TMEM117: variants seen among roughly 807,000 people sequenced by gnomAD.
The protein encoded by TMEM117 is transmembrane protein 117.
Under a neutral mutation model 52.4 loss-of-function variants are expected in TMEM117, and 27 were observed. That is an observed-to-expected ratio of 0.51 (90% CI 0.38 to 0.71). The LOEUF (loss-of-function observed/expected upper bound fraction) is 0.71. Among genes scored for constraint, TMEM117 ranks in the 30% least tolerant of loss-of-function variants. TMEM117 has a pLI of 0.00. For missense variants in TMEM117, 556 were observed against 630.5 expected (o/e 0.88, Z 1.26); for synonymous variants, 215 against 206.3 (o/e 1.04, Z -0.36).
intron 3 of TMEM117, among the ~76,000 whole-genome samples, chr12:44,094,437 T>C (rs1279548809): frequency 2.0e-5 from 3 of 152,126 alleles, no homozygotes; most frequent in Admixed American, 6.6e-5. Flanking sequence ...TTATTAATAG[T>C]AATGGTTCCT....
intron 3 of TMEM117, among the ~76,000 whole-genome samples, chr12:44,107,026 G>A (rs894180134): frequency 2.6e-5 from 4 of 151,946 alleles, no homozygotes; most frequent in African/African-American, 7.3e-5. Flanking sequence ...TTGGCTGTCC[G>A]TCAATAAAGT....
At chr12:44,013,582 G>A (rs12310801) in intron 3 of TMEM117, among the ~76,000 whole-genome samples, 5,455 of 152,148 alleles carry the variant, frequency 0.036, 204 homozygotes, top group African/African-American at 0.093. Context: ...GAAAGTACAG[G>A]GGAATTTTTC....
At chr12:44,333,300 G>C (rs2138729993) in intron 6 of TMEM117, among the ~76,000 whole-genome samples, 1 of 152,100 alleles carries the variant, frequency 6.6e-6, no homozygotes, top group East Asian at 1.9e-4. Context: ...ATAAAATGTG[G>C]TGGATAAAAC....
chr12:44,174,485 A>G (rs1949091505), intron 4 of TMEM117, among the ~76,000 whole-genome samples: 1 of 152,088 alleles, frequency 6.6e-6, no homozygotes, highest in South Asian at 2.1e-4. Context: ...GGGTAGTTTA[A>G]TTTTTTTGTT....
intron 3 of TMEM117, among the ~76,000 whole-genome samples, chr12:44,111,840 C>CT: frequency 7.8e-6 from 1 of 127,948 alleles, no homozygotes; most frequent in Non-Finnish European, 1.6e-5. Flanking sequence ...GTGTGGGAGT[C>CT]TAAGTCTCTT....
At chr12:43,948,466 C>T (rs967981269) in intron 3 of TMEM117, among the ~76,000 whole-genome samples, 10 of 151,960 alleles carry the variant, frequency 6.6e-5, no homozygotes, top group Non-Finnish European at 8.8e-5. Context: ...CCACCACACC[C>T]GGCTAATTTT....
intron 5 of TMEM117, among the ~76,000 whole-genome samples, chr12:44,256,924 A>G (rs942421578): frequency 1.3e-5 from 2 of 151,532 alleles, no homozygotes; most frequent in Non-Finnish European, 2.9e-5. Flanking sequence ...TTATTTACAC[A>G]TATATGTTCT....
At chr12:44,082,606 A>G (rs1231844505) in intron 3 of TMEM117, among the ~76,000 whole-genome samples, 2 of 152,148 alleles carry the variant, frequency 1.3e-5, no homozygotes, top group Non-Finnish European at 2.9e-5. Context: ...AGGGAGAAAA[A>G]TTGGAAATAA....
At chr12:44,316,648 T>C (rs1414823067) in intron 6 of TMEM117, among the ~76,000 whole-genome samples, 3 of 152,230 alleles carry the variant, frequency 2.0e-5, no homozygotes, top group Admixed American at 6.5e-5. Flanking sequence ...CTAGGGACAC[T>C]CTTTGTACTA....
intron 3 of TMEM117, among the ~76,000 whole-genome samples, chr12:44,115,433 T>C (rs920327943): frequency 3.3e-5 from 5 of 152,190 alleles, no homozygotes; most frequent in Non-Finnish European, 7.3e-5. Flanking sequence ...GTTATACACA[T>C]GTACCCTAGA....
chr12:43,955,324 A>G (rs1945289830), intron 3 of TMEM117, among the ~76,000 whole-genome samples: 1 of 152,234 alleles, frequency 6.6e-6, no homozygotes, highest in Non-Finnish European at 1.5e-5. Flanking sequence ...AAGAAAGGGT[A>G]TTCAGGTAAG....
rs367926202 is a variant in TMEM117, at chr12:44,313,717, C to T, written c.768+13978C>T. On this transcript the variant is annotated intron_variant, in intron 6 of 7. Transcript: ENST00000266534. ...TTGAGCAGTATGGACGTTTTAATGACATTAATTCTTTCAGTCTATGAGCAT... is the reference window on the plus strand; with the variant it reads ...TTGAGCAGTATGGACGTTTTAATGATATTAATTCTTTCAGTCTATGAGCAT... Among the ~76,000 whole-genome samples, 37 of 152,140 alleles carry T rather than the reference C, an allele frequency of 2.4e-4. No homozygotes were observed. In the South Asian group the frequency reaches 5.8e-3, roughly 24 times the overall value.
At chr12:44,296,462 G>A (rs1225867018) in intron 5 of TMEM117, among the ~76,000 whole-genome samples, 3 of 152,186 alleles carry the variant, frequency 2.0e-5, no homozygotes, top group African/African-American at 7.2e-5. Flanking sequence ...AGCCGAGCAG[G>A]GCTGGAGCTG....
At chr12:44,234,233 T>C (rs996223759) in intron 5 of TMEM117, among the ~76,000 whole-genome samples, 2 of 151,566 alleles carry the variant, frequency 1.3e-5, no homozygotes, top group Non-Finnish European at 3.0e-5. Flanking sequence ...CAAGAGCTTT[T>C]TCTATGAGAA....
intron 3 of TMEM117, among the ~76,000 whole-genome samples, chr12:44,036,821 T>C (rs892033371): frequency 6.6e-6 from 1 of 152,256 alleles, no homozygotes; most frequent in Non-Finnish European, 1.5e-5. Flanking sequence ...GTTGTACCAA[T>C]TTATACTCTT....
chr12:44,075,064 A>T (rs1194880846), intron 3 of TMEM117, among the ~76,000 whole-genome samples: 1 of 152,180 alleles, frequency 6.6e-6, no homozygotes, highest in African/African-American at 2.4e-5. Flanking sequence ...TGCTTTCTCC[A>T]TAGTGGTAAG....
chr12:44,010,580 C>T (rs11182378), intron 3 of TMEM117, among the ~76,000 whole-genome samples: 1 of 152,106 alleles, frequency 6.6e-6, no homozygotes. Flanking sequence ...TTTTTGTGTT[C>T]CACACTTTTG....
intron 3 of TMEM117, among the ~76,000 whole-genome samples, chr12:44,011,014 C>A (rs1946281444): frequency 6.6e-6 from 1 of 152,178 alleles, no homozygotes; most frequent in Non-Finnish European, 1.5e-5. Flanking sequence ...TGACCTATAT[C>A]ATTTCCCTTG....
chr12:43,955,413 C>T (rs769969011), intron 3 of TMEM117, among the ~76,000 whole-genome samples: 4 of 152,316 alleles, frequency 2.6e-5, no homozygotes, highest in Non-Finnish European at 5.9e-5. Flanking sequence ...AGCTCAAAAG[C>T]TTCTTAAGCT....
Sources: allele counts gnomAD v4.1 joint callset (sites outside exome capture counted in the v4.1 genomes callset), GRCh38; gene constraint gnomAD v4.1.1; transcripts MANE v1.5; gene names NCBI Gene and HGNC (gene_info 2026-07-23, HGNC 2026-07-21).